Variants in KLRG1 observed in about 807,000 individuals in gnomAD.
The protein encoded by KLRG1 is killer cell lectin-like receptor subfamily G member 1.
In KLRG1, 16 loss-of-function variants were observed where a neutral mutation model predicts 21.8. That is an observed-to-expected ratio of 0.73 (90% CI 0.50 to 1.11). The LOEUF (loss-of-function observed/expected upper bound fraction) is 1.11, where lower values mean the gene tolerates loss of function less well. Among genes scored for constraint, KLRG1 ranks in the 50% most tolerant of loss-of-function variants. KLRG1 has a pLI of 0.00. For missense variants in KLRG1, 173 were observed against 218.3 expected, an observed-to-expected ratio of 0.79 and a Z score of 1.31; for synonymous variants, 69 against 75.9, an observed-to-expected ratio of 0.91 and a Z score of 0.47.
the KLRG1 span, chr12:9,095,174 C>G: frequency 3.1e-6 from 2 of 652,888 alleles, no homozygotes; most frequent in Non-Finnish European, 4.9e-6. Flanking sequence ...GACAAGCAAT[C>G]CAGTTAACTT....
the KLRG1 span, chr12:9,152,130 G>T: frequency 1.0e-6 from 1 of 985,868 alleles, no homozygotes; most frequent in Non-Finnish European, 1.6e-6. Context: ...GCAGGATGAT[G>T]TTGACATGGT....
intron 1 of KLRG1, among the ~76,000 whole-genome samples, chr12:8,982,331 G>A (rs1320054970): frequency 6.6e-6 from 1 of 152,150 alleles, no homozygotes; most frequent in Non-Finnish European, 1.5e-5. Context: ...TTTGAAATTT[G>A]GCAAAACTGA....
At chr12:8,978,656 CTTT>C (rs1946700957) in intron 1 of KLRG1, among the ~76,000 whole-genome samples, 2 of 147,392 alleles carry the variant, frequency 1.4e-5, no homozygotes. Flanking sequence ...TTCTTTCTTT[CTTT>C]CTTTCTTTCT....
At chr12:9,000,810 G>C (rs1339543578) in intron 3 of KLRG1, among the ~76,000 whole-genome samples, 1 of 152,194 alleles carries the variant, frequency 6.6e-6, no homozygotes, top group Non-Finnish European at 1.5e-5. Context: ...TGAGAGTAAG[G>C]CTGCTGTGAA....
the KLRG1 span, among the ~76,000 whole-genome samples, chr12:9,197,643 TATATAATATA>T: frequency 9.5e-3 from 227 of 23,892 alleles, 11 homozygotes; most frequent in African/African-American, 0.032. Flanking sequence ...TATATTATAT[TATATAATATA>T]ATATAAAATT....
the KLRG1 span, chr12:9,070,679 G>C: frequency 1.3e-6 from 1 of 759,168 alleles, no homozygotes; most frequent in East Asian, 2.7e-5. Context: ...AAAGGTACAC[G>C]TAAGTCTTCC....
chr12:9,112,528 C>T, the KLRG1 span: 1 of 1,613,646 alleles, frequency 6.2e-7, no homozygotes, highest in African/African-American at 1.3e-5. Context: ...TGGATGAAGA[C>T]TTTGGGACCT....
chr12:9,154,295 A>G, the KLRG1 span, among the ~76,000 whole-genome samples: 5 of 152,220 alleles, frequency 3.3e-5, no homozygotes, highest in African/African-American at 9.6e-5. Context: ...TTTTACAACG[A>G]TGATGTGGCT....
At chr12:8,970,323 T>G (rs1203713986) in intron 1 of KLRG1, 1 of 152,238 alleles carries the variant, frequency 6.6e-6, no homozygotes, top group Non-Finnish European at 1.5e-5. Flanking sequence ...CAGAAAAGCC[T>G]GAAATATTTA....
intron 1 of KLRG1, 140 bp downstream of exon 1, chr12:8,989,857 T>C (rs1946916128): frequency 5.0e-6 from 3 of 597,378 alleles, no homozygotes; most frequent in Non-Finnish European, 5.9e-6. Context: ...CAGTTTAAAG[T>C]CCAGAGTTGG....
the KLRG1 span, among the ~76,000 whole-genome samples, chr12:9,084,735 CTGAA>C: frequency 6.6e-6 from 1 of 151,944 alleles, no homozygotes; most frequent in African/African-American, 2.4e-5. Flanking sequence ...CATAAAGTGA[CTGAA>C]TGGATTTAAA....
chr12:9,115,562 CATA>C, the KLRG1 span: 2 of 515,744 alleles, frequency 3.9e-6, no homozygotes, highest in South Asian at 4.5e-5. Context: ...GAAGGCTTTG[CATA>C]TTAGAGCTTC....
At chr12:9,095,287 A>G in the KLRG1 span, among the ~76,000 whole-genome samples, 28 of 152,346 alleles carry the variant, frequency 1.8e-4, no homozygotes, top group Non-Finnish European at 1.8e-4. Flanking sequence ...ATTATTTTGT[A>G]TATGTGATTT....
the KLRG1 span, among the ~76,000 whole-genome samples, chr12:9,090,714 A>G: frequency 4.1e-4 from 62 of 152,296 alleles, no homozygotes; most frequent in Admixed American, 3.7e-3. Context: ...TGATGGGACC[A>G]GAGGAAGGGA....
chr12:8,995,451 C>T (rs755667741), intron 3 of KLRG1, among the ~76,000 whole-genome samples, 163 bp downstream of exon 3: 3 of 152,204 alleles, frequency 2.0e-5, no homozygotes, highest in Admixed American at 1.3e-4. Context: ...TCTCTTTCCT[C>T]TTCTACTTCT....
At chr12:9,072,304 GA>G in the KLRG1 span, 2 of 1,591,602 alleles carry the variant, frequency 1.3e-6, no homozygotes, top group Non-Finnish European at 1.7e-6. Context: ...AGGAGTTCCC[GA>G]AAGAAGACTG....
intron 1 of KLRG1, among the ~76,000 whole-genome samples, chr12:8,965,364 G>C (rs1275116189): frequency 2.0e-5 from 3 of 152,094 alleles, no homozygotes. Flanking sequence ...AGGAAATAAA[G>C]GGTATTCAAT....
chr12:9,134,715 T>A, the KLRG1 span, among the ~76,000 whole-genome samples: 1 of 152,250 alleles, frequency 6.6e-6, no homozygotes, highest in African/African-American at 2.4e-5. Context: ...GTCCTCAAGA[T>A]TCATTAGTTT....
chr12:9,106,749 C>T, the KLRG1 span: 6 of 466,710 alleles, frequency 1.3e-5, no homozygotes, highest in African/African-American at 9.9e-5. Flanking sequence ...TATTCTCTAG[C>T]AACTAAATAT....
Sources: gnomAD v4.1 joint callset for allele counts (sites outside exome capture counted in the v4.1 genomes callset) on GRCh38, gnomAD v4.1.1 for gene constraint, MANE v1.5 for transcripts, NCBI Gene and HGNC (gene_info 2026-07-23, HGNC 2026-07-21) for gene names.